The following ERMARD variants were observed in gnomAD, a reference collection of about 807,000 sequenced individuals.
The protein encoded by ERMARD is ER membrane associated RNA degradation, also known as endoplasmic reticulum membrane-associated RNA degradation protein.
ERMARD carries 71 observed loss-of-function variants against 83.9 expected under a neutral mutation model. The observed-to-expected ratio is 0.85, with a 90% CI of 0.70 to 1.03. ERMARD has a LOEUF of 1.03. Ranked by LOEUF, ERMARD falls within the 50% of genes least tolerant of loss-of-function variation. ERMARD has a pLI of 0.00. For missense variants in ERMARD, 838 were observed against 810.9 expected, an observed-to-expected ratio of 1.03 and a Z score of -0.41; for synonymous variants, 284 against 298.6, an observed-to-expected ratio of 0.95 and a Z score of 0.50.
Position 169,776,770 on chromosome 6 carries a change from C to T in ERMARD, c.1739+97C>T, listed in dbSNP as rs9383525. On this transcript the variant is annotated intron_variant, in intron 16 of 17. Transcript: ENST00000366773. Reference sequence around the variant, plus strand: ...TCACTTCCAGACACACACAGTAGCCCCTCACTGAACCCCATCGACAGGTGT... The same window carrying T: ...TCACTTCCAGACACACACAGTAGCCTCTCACTGAACCCCATCGACAGGTGT... 106,152 of 1,368,724 alleles carry T rather than the reference C, an allele frequency of 0.078. 12,094 individuals carry two copies. Among genetic ancestry groups the T allele is most frequent in the East Asian group, 0.59 (23,888 of 40,482 alleles). The allele number at this position is 1,368,724 out of a possible 1,614,324, so 84.8% of individuals were successfully genotyped here. A position where few individuals can be genotyped will look rare whatever the true frequency, so the allele number is the denominator to read the frequency against.
intron 6 of ERMARD, 150 bp from the exon 7 acceptor site, chr6:169,759,688 C>T (rs1791275331): frequency 1.3e-6 from 1 of 745,366 alleles, no homozygotes; most frequent in Non-Finnish European, 2.2e-6. Flanking sequence ...TCCCAGAGTT[C>T]TGGGATTACA....
At position 169,781,431 on chromosome 6, in the gene ERMARD, T is replaced by C. The variant is rs538859014; in HGVS notation, c.1955T>C (p.Leu652Ser). The C allele has an allele frequency of 2.5e-6, 4 of 1,612,910 alleles. No individual in the cohort carries two copies. The highest frequency in any genetic ancestry group is 2.5e-6 in the Non-Finnish European group (3 of 1,179,634). Reference protein sequence around the residue: ...NETINLTHTALLKMWTFSEKK... With the variant: ...NETINLTHTASLKMWTFSEKK... ...ACTATCAATCTTACACATACAGCTT[T>C]GTTGAAAATGTGGACTTTTAGTGAG... Residue 652 changes from leucine (L) to serine (S), a missense_variant, in exon 18 of 18, where the codon TTG (leucine) becomes TCG (serine). Physicochemically the swap from Leu to Ser is moderately radical, Grantham distance 145. Coordinates refer to ENST00000366773, the MANE Select transcript of ERMARD (RefSeq NM_018341.3).
Position 169,761,136 on chromosome 6 carries a change from A to C in ERMARD, c.857+380A>C, listed in dbSNP as rs570678111. Among the ~76,000 whole-genome samples, 31 of 152,326 alleles carry C rather than the reference A, an allele frequency of 2.0e-4. No individual in the cohort carries two copies. The South Asian group carries it at 5.6e-3, about 28-fold the overall frequency. On this transcript the variant is annotated intron_variant, in intron 8 of 17. Transcript: ENST00000366773. ...CGCCACCAGAAGGTCTGGTGAGCTG[A>C]TCTTTAGTTCCTTAAAGGATATTAC...
chr6:169,753,551 T>C (rs533284490), intron 1 of ERMARD, among the ~76,000 whole-genome samples: 19 of 152,126 alleles, frequency 1.2e-4, no homozygotes, highest in Non-Finnish European at 2.4e-4. Flanking sequence ...CTTTTTTTTT[T>C]TTAAGTGAAA....
intron 9 of ERMARD, among the ~76,000 whole-genome samples, chr6:169,763,598 A>ACCT (rs758769243): frequency 1.3e-5 from 2 of 152,044 alleles, no homozygotes; most frequent in African/African-American, 2.4e-5. Context: ...GCCGCTCCAC[A>ACCT]CCTCGGATTC....
intron 3 of ERMARD, 48 bp downstream of exon 3, chr6:169,755,470 A>G: frequency 6.3e-7 from 1 of 1,599,188 alleles, no homozygotes; most frequent in Admixed American, 1.7e-5. Context: ...TGCGAATACT[A>G]CTTAGAGGAC....
At chr6:169,778,394 C>T (rs1338092162) in intron 16 of ERMARD, among the ~76,000 whole-genome samples, 3 of 152,148 alleles carry the variant, frequency 2.0e-5, no homozygotes, top group African/African-American at 4.8e-5. Context: ...AGCAGATTAA[C>T]GTGATTAACA....
chr6:169,751,703 C>G (rs774382726), intron 1 of ERMARD, 40 bp downstream of exon 1: 24 of 1,532,946 alleles, frequency 1.6e-5, no homozygotes, highest in Non-Finnish European at 1.9e-5. Flanking sequence ...CCGAGCTAGG[C>G]AGGGAGTCGG....
intron 16 of ERMARD, among the ~76,000 whole-genome samples, chr6:169,778,351 T>C (rs1194550821): frequency 6.6e-6 from 1 of 152,270 alleles, no homozygotes; most frequent in Non-Finnish European, 1.5e-5. Flanking sequence ...GGGTTCTATC[T>C]ATCTAAATGA....
rs780773839 is a variant in ERMARD, at chr6:169,760,623, AC to A, written c.743-17del. On this transcript the variant is annotated intron_variant, in intron 7 of 17. Transcript: ENST00000366773. ...GTTGATCAGTATGATTGTGTTTAAA[AC>A]CGTGTGTTATTTTACAGATGTTACT... The A allele has an allele frequency of 4.6e-6, 7 of 1,519,266 alleles. No individual in the cohort carries two copies. The highest frequency in any genetic ancestry group is 6.4e-6 in the Non-Finnish European group (7 of 1,096,458). 94.1% of individuals were successfully genotyped at this position (1,519,266 alleles called of 1,614,324 possible). A position where few individuals can be genotyped will look rare whatever the true frequency, so the allele number is the denominator to read the frequency against.
intron 1 of ERMARD, among the ~76,000 whole-genome samples, chr6:169,752,720 G>A (rs1225726486): frequency 6.6e-6 from 1 of 152,158 alleles, no homozygotes; most frequent in Non-Finnish European, 1.5e-5. Flanking sequence ...AAGAGCTTCG[G>A]TTCCGCTTTA....
intron 11 of ERMARD, among the ~76,000 whole-genome samples, chr6:169,768,431 CT>C (rs1201831457): frequency 6.6e-6 from 1 of 152,170 alleles, no homozygotes; most frequent in African/African-American, 2.4e-5. Context: ...TGTATTTGTG[CT>C]GTAGAACGGA....
At position 169,779,370 on chromosome 6, in the gene ERMARD, T is replaced by C; in HGVS notation, c.1853+75T>C. On this transcript the variant is annotated intron_variant, in intron 17 of 17. Transcript: ENST00000366773. ...TGCGGGTGAGCCTGTAGGAGTGAGA[T>C]TGGGGCAGTGTGAGTGACACTATCC... is the stretch of plus-strand genomic sequence containing the variant. 4 of 1,316,142 alleles carry C rather than the reference T, an allele frequency of 3.0e-6. No homozygotes were observed. The Admixed American group carries it at 5.2e-5, about 17-fold the overall frequency. The allele number at this position is 1,316,142 out of a possible 1,614,324, so 81.5% of individuals were successfully genotyped here. A position where few individuals can be genotyped will look rare whatever the true frequency, so the allele number is the denominator to read the frequency against.
At chr6:169,765,363 G>T (rs1208907550) in intron 9 of ERMARD, among the ~76,000 whole-genome samples, 6 of 152,216 alleles carry the variant, frequency 3.9e-5, no homozygotes, top group Non-Finnish European at 5.9e-5. Context: ...AGACACTGCA[G>T]ATGCTGTTAT....
In ERMARD at chr6:169,753,224, T is replaced by TTTGG. The variant is rs1790363906; in HGVS notation, c.7-639_7-636dup. 1.9e-5 allele frequency: 3 copies of TTTGG among 154,428 alleles called. No individual in the cohort carries two copies. In the South Asian group the frequency reaches 6.1e-4, roughly 31 times the overall value. The allele number at this position is 154,428 out of a possible 1,614,324, so 9.6% of individuals were successfully genotyped here. ...CCCAGTAAAGAATTTATATCCTGTC[T>TTTGG]TTGGGCGGAAGAGGGGGAGGATAGA... On this transcript the variant is annotated intron_variant, in intron 1 of 17. Coordinates refer to ENST00000366773, the MANE Select transcript of ERMARD (RefSeq NM_018341.3).
intron 13 of ERMARD, among the ~76,000 whole-genome samples, chr6:169,774,217 G>A (rs560603192): frequency 1.8e-4 from 28 of 152,290 alleles, no homozygotes; most frequent in Non-Finnish European, 3.2e-4. Context: ...GCCTTGAGAA[G>A]TCTGAGGCCT....
At chr6:169,775,523 C>T (rs1793482161) in intron 14 of ERMARD, among the ~76,000 whole-genome samples, 177 bp downstream of exon 14, 1 of 152,222 alleles carries the variant, frequency 6.6e-6, no homozygotes, top group Admixed American at 6.5e-5. Context: ...GATCTTCCAA[C>T]TGGCATGGGG....
intron 8 of ERMARD, among the ~76,000 whole-genome samples, chr6:169,761,747 A>C (rs1791586858): frequency 6.6e-6 from 1 of 152,058 alleles, no homozygotes; most frequent in Non-Finnish European, 1.5e-5. Context: ...CAGTGGTGTG[A>C]TCTCAGCTCA....
At chr6:169,754,812 TAAAAC>T (rs975855410) in intron 2 of ERMARD, among the ~76,000 whole-genome samples, 1 of 152,134 alleles carries the variant, frequency 6.6e-6, no homozygotes, top group African/African-American at 2.4e-5. Flanking sequence ...CAAAAAAAAT[TAAAAC>T]AACAAAAACT....
Sources: allele counts gnomAD v4.1 joint callset (sites outside exome capture counted in the v4.1 genomes callset), GRCh38; gene constraint gnomAD v4.1.1; transcripts MANE v1.5; gene names NCBI Gene and HGNC (gene_info 2026-07-23, HGNC 2026-07-21).